The following USP50 variants were observed in gnomAD, a reference collection of about 807,000 sequenced individuals.
The protein encoded by USP50 is ubiquitin carboxyl-terminal hydrolase 50.
In USP50, 37 loss-of-function variants were observed where a neutral mutation model predicts 39.2. The ratio of observed to expected loss-of-function variants is 0.94; its 90% CI spans 0.73 to 1.24. USP50 has a LOEUF of 1.24. USP50 is among the 50% of genes most tolerant of loss of function. The pLI is 0.00. For missense variants in USP50, 374 were observed against 398.2 expected, an observed-to-expected ratio of 0.94 and a Z score of 0.52; for synonymous variants, 139 against 144.5, an observed-to-expected ratio of 0.96 and a Z score of 0.27.
intron 6 of USP50, chr15:50,508,369 A>C (rs948111576): frequency 6.6e-6 from 1 of 152,230 alleles, no homozygotes; most frequent in African/African-American, 2.4e-5. Context: ...CATTTATTTT[A>C]TATTCAAATA....
chr15:50,504,159 A>G (rs2052627043), intron 6 of USP50: 1 of 152,218 alleles, frequency 6.6e-6, no homozygotes, highest in Non-Finnish European at 1.5e-5. Flanking sequence ...TAGTATTTAT[A>G]TTGTATTAGA....
At chr15:50,503,245 G>C (rs1269126562) in intron 6 of USP50, 3 of 152,392 alleles carry the variant, frequency 2.0e-5, no homozygotes, top group African/African-American at 7.2e-5. Context: ...CTACTTGGGA[G>C]GCTGAGGCAG....
intron 5 of USP50, chr15:50,531,873 C>T: frequency 4.2e-6 from 1 of 237,072 alleles, no homozygotes; most frequent in South Asian, 5.9e-5. Flanking sequence ...TATTTTCCTT[C>T]CCTCAGGAAG....
At position 50,541,179 on chromosome 15, in the gene USP50, A is replaced by G. The variant is rs530240812; in HGVS notation, c.530T>C (p.Ile177Thr). 6.2e-7 allele frequency: 1 copy of G among 1,613,960 alleles called. No homozygotes were observed. The highest frequency in any genetic ancestry group is 1.3e-5 in the African/African-American group (1 of 75,040). The change falls in exon 4 of 7, where the codon ATC becomes ACC. Residue 177 changes from isoleucine (I) to threonine (T), a missense_variant. Physicochemically the swap from Ile to Thr is moderately conservative, Grantham distance 89. Transcript: ENST00000532404. ...GAGCTGCTCTTCAAACAGCTGGGTG[A>G]TGATGGATGTCTCAGTGGTAATCCA... ...RKWITTETSI[I>T]TQLFEEQLNY...
At chr15:50,542,046 A>T (rs1006260386) in intron 3 of USP50, among the ~76,000 whole-genome samples, 8 of 46,888 alleles carry the variant, frequency 1.7e-4, no homozygotes, top group South Asian at 6.4e-4. Flanking sequence ...AAGGTTAATT[A>T]AAAAAAAAAA....
At chr15:50,521,417 T>C (rs1327045713) in intron 6 of USP50, among the ~76,000 whole-genome samples, 1 of 152,210 alleles carries the variant, frequency 6.6e-6, no homozygotes, top group Non-Finnish European at 1.5e-5. Context: ...GTACAATTAT[T>C]ATGTATTAAT....
intron 6 of USP50, chr15:50,501,233 G>A (rs549017443): frequency 1.2e-3 from 191 of 163,630 alleles, no homozygotes; most frequent in Non-Finnish European, 1.5e-3. Flanking sequence ...GCTGAGGCAG[G>A]TGGATTGCTT....
At chr15:50,528,453 TATA>T (rs2052916104) in intron 6 of USP50, among the ~76,000 whole-genome samples, 1 of 152,112 alleles carries the variant, frequency 6.6e-6, no homozygotes, top group African/African-American at 2.4e-5. Flanking sequence ...CAGCAATAAT[TATA>T]ATTTTTATAT....
chr15:50,495,859 G>C, downstream of USP50: 1 of 1,612,006 alleles, frequency 6.2e-7, no homozygotes, highest in South Asian at 1.1e-5. Context: ...CTGATAATCG[G>C]AAGAGATATA....
chr15:50,541,321 T>C (rs1399085828), intron 3 of USP50, 57 bp from the exon 4 acceptor site: 3 of 1,474,212 alleles, frequency 2.0e-6, no homozygotes, highest in African/African-American at 2.8e-5. Flanking sequence ...AAAAAGACTG[T>C]GGCAACATGG....
intron 6 of USP50, 73 bp downstream of exon 6, chr15:50,529,724 A>C: frequency 1.3e-6 from 2 of 1,516,466 alleles, no homozygotes; most frequent in Non-Finnish European, 1.8e-6. Flanking sequence ...GACAGGAGAA[A>C]TAGGGATTCA....
chr15:50,511,008 G>C (rs977929875), intron 6 of USP50: 1 of 152,156 alleles, frequency 6.6e-6, no homozygotes, highest in African/African-American at 2.4e-5. Flanking sequence ...TCGATCTCCT[G>C]ACCTCGTGAT....
At chr15:50,518,189 T>C (rs1324374629) in intron 6 of USP50, among the ~76,000 whole-genome samples, 1 of 151,790 alleles carries the variant, frequency 6.6e-6, no homozygotes, top group African/African-American at 2.4e-5. Context: ...AATACATGTA[T>C]TTACAGCCAA....
At chr15:50,533,589 A>T (rs909652361) in intron 5 of USP50, among the ~76,000 whole-genome samples, 2 of 152,230 alleles carry the variant, frequency 1.3e-5, no homozygotes, top group Non-Finnish European at 2.9e-5. Flanking sequence ...AAGGAAAAAA[A>T]CCCACCAACC....
chr15:50,498,527 A>G, downstream of USP50: 1 of 1,475,846 alleles, frequency 6.8e-7, no homozygotes, highest in Non-Finnish European at 9.0e-7. Flanking sequence ...AAAAATCTAG[A>G]TGTTAATGAA....
Position 50,525,538 on chromosome 15 carries a change from G to A in USP50, c.936+4259C>T, listed in dbSNP as rs796589312. On this transcript the variant is annotated intron_variant, in intron 6 of 6. Coordinates refer to ENST00000532404, the MANE Select transcript of USP50 (RefSeq NM_203494.5). The stretch of plus-strand genomic sequence containing the variant: ...TATATGTATATATGTATATGTATAT[G>A]TATATATGTATATATGTGTATATAT... 3.0e-3 allele frequency among the ~76,000 whole-genome samples: 324 copies of A among 108,410 alleles called. 2 individuals carry two copies. Among genetic ancestry groups the A allele is most frequent in the Middle Eastern group, 0.023 (5 of 218 alleles). 71.1% of individuals were successfully genotyped at this position (108,410 alleles called of 152,430 possible).
At chr15:50,514,612 A>G (rs1190437087) in intron 6 of USP50, among the ~76,000 whole-genome samples, 1 of 151,852 alleles carries the variant, frequency 6.6e-6, no homozygotes, top group Non-Finnish European at 1.5e-5. Context: ...GCTCACTGCA[A>G]CCTCCGCCTC....
chr15:50,517,472 C>CAA (rs55860665), intron 6 of USP50, among the ~76,000 whole-genome samples: 9 of 141,008 alleles, frequency 6.4e-5, no homozygotes, highest in African/African-American at 1.8e-4. Flanking sequence ...AACTCCATCT[C>CAA]AAAAAAAAAA....
At chr15:50,505,360 G>C (rs977808605) in intron 6 of USP50, 6 of 152,112 alleles carry the variant, frequency 3.9e-5, no homozygotes, top group Non-Finnish European at 8.8e-5. Context: ...AGAAATCAGA[G>C]ACAATACAGT....
Sources: gnomAD v4.1 joint callset for allele counts (sites outside exome capture counted in the v4.1 genomes callset) on GRCh38, gnomAD v4.1.1 for gene constraint, MANE v1.5 for transcripts, NCBI Gene and HGNC (gene_info 2026-07-23, HGNC 2026-07-21) for gene names.